The following ADGRB3 variants were observed in gnomAD, a reference collection of about 807,000 sequenced individuals.
The protein encoded by ADGRB3 is adhesion G protein-coupled receptor B3, also known as brain-specific angiogenesis inhibitor 3.
A neutral mutation model predicts 193.4 loss-of-function variants in ADGRB3; 37 were observed. The ratio of observed to expected loss-of-function variants is 0.19; its 90% CI spans 0.15 to 0.25. ADGRB3 has a LOEUF of 0.25. ADGRB3 is among the 10% of genes least tolerant of loss of function. The pLI is 1.00. For synonymous variants in ADGRB3, 690 were observed against 644.2 expected (o/e 1.07, Z -1.08); for missense variants, 1,637 against 1,852.9 (o/e 0.88, Z 2.14).
At chr6:68,675,784 A>G (rs1186350149) in intron 3 of ADGRB3, among the ~76,000 whole-genome samples, 2 of 151,996 alleles carry the variant, frequency 1.3e-5, no homozygotes, top group Non-Finnish European at 2.9e-5. Context: ...TAAGCAGCAT[A>G]CTCTGCTTTT....
chr6:68,997,924 T>C (rs1769437619), intron 11 of ADGRB3, among the ~76,000 whole-genome samples: 1 of 152,184 alleles, frequency 6.6e-6, no homozygotes, highest in Non-Finnish European at 1.5e-5. Context: ...TATCTACCTC[T>C]GTTCAGTAAT....
chr6:68,804,970 C>T (rs769570305), intron 3 of ADGRB3, among the ~76,000 whole-genome samples: 3 of 151,830 alleles, frequency 2.0e-5, no homozygotes, highest in South Asian at 2.1e-4. Flanking sequence ...CTCTGTTACC[C>T]GGGCTGGAGT....
intron 3 of ADGRB3, among the ~76,000 whole-genome samples, chr6:68,829,266 AT>A (rs758790943): frequency 1.3e-5 from 2 of 150,784 alleles, no homozygotes. Context: ...TGCCCAGCTA[AT>A]TTTTTTTTAT....
chr6:69,322,884 CT>C (rs1242491549), intron 20 of ADGRB3, among the ~76,000 whole-genome samples: 5 of 151,834 alleles, frequency 3.3e-5, no homozygotes, highest in Non-Finnish European at 7.4e-5. Context: ...AGACATAGGC[CT>C]TATTTCTTTA....
chr6:69,382,851 G>A lies in ADGRB3; in HGVS notation c.4296G>A (p.Lys1432=), dbSNP rs1769981009. 6.2e-7 allele frequency: 1 copy of A among 1,607,662 alleles called. No homozygotes were observed. Among genetic ancestry groups the A allele is most frequent in the African/African-American group, 1.3e-5 (1 of 74,504 alleles). ...TGCAGAAGGTCATGCATACAAGGAA[G>A]AGGCATATGGAACTATTTCAAGAAC... The part of the protein sequence containing the change: ...LDFEKVMHTR[K]RHMELFQELN... Residue 1432 remains lysine, a synonymous_variant, in exon 31 of 32, where the codon AAG becomes AAA. Transcript: ENST00000370598.
chr6:68,675,665 A>G (rs1344307949), intron 3 of ADGRB3, among the ~76,000 whole-genome samples: 1 of 152,172 alleles, frequency 6.6e-6, no homozygotes, highest in Non-Finnish European at 1.5e-5. Context: ...AAAGATCTAC[A>G]GAGATATCCA....
intron 19 of ADGRB3, among the ~76,000 whole-genome samples, chr6:69,237,938 G>C (rs1007950423): frequency 6.6e-6 from 1 of 152,142 alleles, no homozygotes; most frequent in Admixed American, 6.5e-5. Flanking sequence ...TTTGATCTAA[G>C]TTAGTCCCAT....
chr6:68,662,395 G>A (rs1334937925), intron 3 of ADGRB3, among the ~76,000 whole-genome samples: 3 of 151,468 alleles, frequency 2.0e-5, no homozygotes, highest in Non-Finnish European at 4.4e-5. Flanking sequence ...GAAGTTCCCA[G>A]GATAGGGCGA....
At chr6:69,165,750 G>T (rs2150346154) in intron 17 of ADGRB3, among the ~76,000 whole-genome samples, 1 of 151,918 alleles carries the variant, frequency 6.6e-6, no homozygotes, top group Non-Finnish European at 1.5e-5. Flanking sequence ...AATAATAATG[G>T]TTAGTATTTA....
chr6:69,342,908 G>GAT (rs916364548), intron 26 of ADGRB3, among the ~76,000 whole-genome samples: 16 of 151,306 alleles, frequency 1.1e-4, no homozygotes, highest in Middle Eastern at 3.4e-3. Context: ...TTAGAGACTG[G>GAT]ATATATATAT....
At chr6:68,996,578 G>A (rs1769390111) in intron 11 of ADGRB3, among the ~76,000 whole-genome samples, 1 of 152,092 alleles carries the variant, frequency 6.6e-6, no homozygotes, top group South Asian at 2.1e-4. Flanking sequence ...TGAGGTAAAT[G>A]AACCACTTCC....
At chr6:68,730,033 T>C (rs1562008272) in intron 3 of ADGRB3, among the ~76,000 whole-genome samples, 1 of 151,602 alleles carries the variant, frequency 6.6e-6, no homozygotes, top group Non-Finnish European at 1.5e-5. Context: ...TCAATCTGCT[T>C]ACTTGCTGGT....
intron 3 of ADGRB3, among the ~76,000 whole-genome samples, chr6:68,848,593 A>G (rs76363556): frequency 0.014 from 2,205 of 152,166 alleles, 55 homozygotes; most frequent in African/African-American, 0.048. Flanking sequence ...GACCAATCAC[A>G]TATTTTTACT....
At chr6:69,050,042 C>G (rs62416777) in intron 15 of ADGRB3, among the ~76,000 whole-genome samples, 1 of 152,124 alleles carries the variant, frequency 6.6e-6, no homozygotes, top group Admixed American at 6.5e-5. Flanking sequence ...CACATCACCT[C>G]GTTTTGGAAG....
chr6:69,028,496 T>C lies in ADGRB3; in HGVS notation c.2107+9997T>C, dbSNP rs572710047. Among the ~76,000 whole-genome samples the C allele has an allele frequency of 5.4e-4, 82 of 152,304 alleles. 1 individual carries two copies. The highest frequency in any genetic ancestry group is 7.5e-4 in the Non-Finnish European group (51 of 68,018). ...GTCTCATAGTTATAACCCTGGACTTTAATGTCGAAAACACTGATCATGTTA... is the reference window on the plus strand; with the variant it reads ...GTCTCATAGTTATAACCCTGGACTTCAATGTCGAAAACACTGATCATGTTA... On this transcript the variant is annotated intron_variant, in intron 13 of 31. Transcript: ENST00000370598.
rs200096483 is a variant in ADGRB3 at position 68,970,659 on chromosome 6, T to TG, written c.1526-4103dup. Among the ~76,000 whole-genome samples, 1,209 of 152,298 alleles carry TG rather than the reference T, an allele frequency of 7.9e-3. 9 individuals are homozygous for TG. The highest frequency in any genetic ancestry group is 0.025 in the African/African-American group (1,046 of 41,548). On this transcript the variant is annotated intron_variant, in intron 8 of 31. Transcript: ENST00000370598. ...TCTTCTAAAGCAGGGCCTAGCACCA[T>TG]GTTACATTAACAGGGCCTAGCTCTA...
chr6:69,353,443 T>C (rs535020234), intron 26 of ADGRB3, among the ~76,000 whole-genome samples: 1 of 152,326 alleles, frequency 6.6e-6, no homozygotes, highest in South Asian at 2.1e-4. Context: ...CAAGAGATAG[T>C]CTACTCAAAG....
intron 17 of ADGRB3, among the ~76,000 whole-genome samples, chr6:69,099,067 T>A (rs1401414430): frequency 6.6e-6 from 1 of 152,204 alleles, no homozygotes; most frequent in Non-Finnish European, 1.5e-5. Context: ...CTGAGGGTGT[T>A]CATACTCCCC....
At chr6:69,010,702 C>T (rs1769904973) in intron 11 of ADGRB3, among the ~76,000 whole-genome samples, 1 of 150,118 alleles carries the variant, frequency 6.7e-6, no homozygotes, top group Admixed American at 6.7e-5. Context: ...GTTCAAACTC[C>T]AAACAGTTCA....
Sources: allele counts gnomAD v4.1 joint callset (sites outside exome capture counted in the v4.1 genomes callset), GRCh38; gene constraint gnomAD v4.1.1; transcripts MANE v1.5; gene names NCBI Gene and HGNC (gene_info 2026-07-23, HGNC 2026-07-21).